Variants in BRCA1 observed in about 807,000 individuals in gnomAD.
BRCA1 encodes BRCA1 DNA repair associated, also known as breast cancer type 1 susceptibility protein.
In BRCA1, 140 loss-of-function variants were observed where a neutral mutation model predicts 173.7. The observed-to-expected ratio is 0.81, with a 90% CI of 0.70 to 0.93. The LOEUF (loss-of-function observed/expected upper bound fraction) is 0.93, where lower values mean the gene tolerates loss of function less well. Among genes scored for constraint, BRCA1 ranks in the 40% least tolerant of loss-of-function variants. The pLI is 0.00. For missense variants in BRCA1, 1,983 were observed against 2,172.5 expected (o/e 0.91, Z 1.73); for synonymous variants, 662 against 756.0 (o/e 0.88, Z 2.04).
intron 1 of BRCA1, among the ~76,000 whole-genome samples, chr17:43,147,464 C>T (rs1326694875): frequency 6.6e-6 from 1 of 152,180 alleles, no homozygotes; most frequent in South Asian, 2.1e-4. Context: ...GCTGGGATTA[C>T]AGGCGTGAGC....
intron 19 of BRCA1, among the ~76,000 whole-genome samples, chr17:43,051,500 C>CT (rs2051235058): frequency 6.6e-6 from 1 of 152,120 alleles, no homozygotes; most frequent in Non-Finnish European, 1.5e-5. Context: ...TAATAAGAGG[C>CT]TTGGATGGCT....
chr17:43,169,388 C>T (rs1267084438), intron 1 of BRCA1, among the ~76,000 whole-genome samples: 1 of 152,156 alleles, frequency 6.6e-6, no homozygotes, highest in African/African-American at 2.4e-5. Context: ...AGGCTGGTCT[C>T]GAACTCCTGA....
Position 43,094,698 on chromosome 17 carries a change from G to A in BRCA1, c.833C>T (p.Thr278Ile), listed in dbSNP as rs2154490731. The change falls in exon 10 of 23, where the codon ACT becomes ATT. Residue 278 changes from threonine to isoleucine, a missense_variant. Physicochemically the swap from Thr to Ile is moderately conservative, Grantham distance 89. Coordinates refer to ENST00000357654, the MANE Select transcript of BRCA1 (RefSeq NM_007294.4). ...NLHVEPCGTNTHASSLQHENS... is the reference protein window; with the variant it reads ...NLHVEPCGTNIHASSLQHENS... ...CTCATGCTGTAATGAGCTGGCATGA[G>A]TATTTGTGCCACATGGCTCCACATG... The A allele has an allele frequency of 6.2e-7, 1 of 1,613,010 alleles. No individual in the cohort carries two copies. The highest frequency in any genetic ancestry group is 8.5e-7 in the Non-Finnish European group (1 of 1,179,258).
chr17:43,098,983 ATTTT>A (rs577010874), intron 7 of BRCA1, among the ~76,000 whole-genome samples: 1 of 130,510 alleles, frequency 7.7e-6, no homozygotes, highest in Non-Finnish European at 1.7e-5. Flanking sequence ...ACCCCGGCTA[ATTTT>A]TTTTTTTTTT....
chr17:43,140,316 G>T (rs2154581443), intron 1 of BRCA1: 1 of 162,372 alleles, frequency 6.2e-6, no homozygotes, highest in Non-Finnish European at 1.3e-5. Context: ...TAATAAATCA[G>T]CAATAGTAAG....
chr17:43,082,371 T>G (rs2053035473), intron 12 of BRCA1, 33 bp downstream of exon 12: 1 of 1,607,092 alleles, frequency 6.2e-7, no homozygotes, highest in East Asian at 2.2e-5. Flanking sequence ...AGAATTTTGC[T>G]TAAGATATCA....
chr17:43,101,527 G>C (rs1254946721), intron 6 of BRCA1, among the ~76,000 whole-genome samples: 1 of 151,858 alleles, frequency 6.6e-6, no homozygotes, highest in African/African-American at 2.4e-5. Context: ...TTTTGAGACA[G>C]AGTCTCACTC....
At chr17:43,128,270 G>C (rs1286641327), upstream of BRCA1, among the ~76,000 whole-genome samples, 1 of 151,814 alleles carries the variant, frequency 6.6e-6, no homozygotes, top group East Asian at 1.9e-4. Context: ...CTCCAGACGG[G>C]AGGAACGAAC....
At chr17:43,143,767 C>T (rs906331532) in intron 1 of BRCA1, among the ~76,000 whole-genome samples, 8 of 152,078 alleles carry the variant, frequency 5.3e-5, no homozygotes, top group Admixed American at 3.3e-4. Flanking sequence ...GGGCAGTACA[C>T]GTGAATGGAG....
intron 17 of BRCA1, 117 bp from the exon 18 acceptor site, chr17:43,063,490 C>A: frequency 1.2e-6 from 1 of 851,834 alleles, no homozygotes. Flanking sequence ...AGGAGAGGTC[C>A]TTCCCTCTAA....
chr17:43,121,700 A>G (rs1408171209), intron 2 of BRCA1, among the ~76,000 whole-genome samples: 5 of 151,290 alleles, frequency 3.3e-5, no homozygotes, highest in Non-Finnish European at 5.9e-5. Flanking sequence ...AAAAAAAAAA[A>G]AAAAAAAAGA....
intron 19 of BRCA1, among the ~76,000 whole-genome samples, chr17:43,051,366 T>C (rs2051230182): frequency 6.6e-6 from 1 of 152,186 alleles, no homozygotes; most frequent in South Asian, 2.1e-4. Flanking sequence ...CTACAGGCAT[T>C]CTTTGTCATT....
chr17:43,117,919 G>T (rs1487373966), intron 2 of BRCA1, among the ~76,000 whole-genome samples: 1 of 152,258 alleles, frequency 6.6e-6, no homozygotes, highest in African/African-American at 2.4e-5. Context: ...AGATAGAAAT[G>T]TAGCAGTTTA....
intron 1 of BRCA1, among the ~76,000 whole-genome samples, chr17:43,156,212 G>A (rs539832518): frequency 9.2e-5 from 14 of 152,064 alleles, no homozygotes; most frequent in African/African-American, 3.1e-4. Flanking sequence ...ACTCCAGCCT[G>A]GGCGACAGAG....
intron 2 of BRCA1, among the ~76,000 whole-genome samples, chr17:43,123,748 G>C (rs974954637): frequency 1.3e-5 from 2 of 152,216 alleles, no homozygotes; most frequent in Non-Finnish European, 2.9e-5. Context: ...TCCTGCCCCA[G>C]TGCAGAACCA....
At chr17:43,104,828 A>T (rs2154551285) in intron 5 of BRCA1, 40 bp downstream of exon 5, 1 of 1,548,598 alleles carries the variant, frequency 6.5e-7, no homozygotes, top group Non-Finnish European at 8.9e-7. Flanking sequence ...GTTTTCATGG[A>T]CAGCACTTGA....
At position 43,094,640 on chromosome 17, in the gene BRCA1, C is replaced by T. The variant is rs80357103; in HGVS notation, c.891G>A (p.Met297Ile). Residue 297 changes from methionine to isoleucine, a missense_variant, in exon 10 of 23, where the codon ATG (methionine) becomes ATA (isoleucine). Met to Ile is a conservative substitution (Grantham distance 10). Coordinates refer to ENST00000357654, the MANE Select transcript of BRCA1 (RefSeq NM_007294.4). ...TACAGAATTCAGCCTTTTCTACATT[C>T]ATTCTGTCTTTAGTGAGTAATAAAC... ...NSSLLLTKDR[M>I]NVEKAEFCNK... 3 of 1,614,034 alleles carry T rather than the reference C, an allele frequency of 1.9e-6. No homozygotes were observed. The African/African-American group carries it at 4.0e-5, about 22-fold the overall frequency.
At chr17:43,142,976 G>A (rs539471908) in intron 1 of BRCA1, among the ~76,000 whole-genome samples, 1,974 of 129,324 alleles carry the variant, frequency 0.015, 47 homozygotes, top group African/African-American at 0.049. Flanking sequence ...GTATATATAT[G>A]TGTGTATATA....
Position 43,099,852 on chromosome 17 carries a change from G to C in BRCA1, c.470C>G (p.Ser157Cys), listed in dbSNP as rs80357045. 6.2e-6 allele frequency: 10 copies of C among 1,613,540 alleles called. No individual in the cohort carries two copies. The highest frequency in any genetic ancestry group is 8.5e-6 in the Non-Finnish European group (10 of 1,179,566). Residue 157 changes from serine (S) to cysteine (C), a missense_variant, in exon 7 of 23, where the codon TCT becomes TGT. Coordinates refer to ENST00000357654, the MANE Select transcript of BRCA1 (RefSeq NM_007294.4). ...LQETSLSVQL[S>C]NLGTVRTLRT... ...CAGAGTTCTCACAGTTCCAAGGTTA[G>C]AGAGTTGGACACTGAGACTGGTTTC...
Sources: allele counts gnomAD v4.1 joint callset (sites outside exome capture counted in the v4.1 genomes callset), GRCh38; gene constraint gnomAD v4.1.1; transcripts MANE v1.5; gene names NCBI Gene and HGNC (gene_info 2026-07-23, HGNC 2026-07-21).